The following CUEDC2 variants were observed in gnomAD, a reference collection of about 807,000 sequenced individuals.
The protein encoded by CUEDC2 is CUE domain containing 2.
CUEDC2 carries 10 observed loss-of-function variants against 36.0 expected under a neutral mutation model. That is an observed-to-expected ratio of 0.28 (90% CI 0.17 to 0.47). The LOEUF (loss-of-function observed/expected upper bound fraction) is 0.47. CUEDC2 is among the 20% of genes least tolerant of loss of function. The pLI is 0.99. For missense variants in CUEDC2, 269 were observed against 368.1 expected (o/e 0.73, Z 2.20); for synonymous variants, 133 against 141.8 (o/e 0.94, Z 0.44).
In CUEDC2 at chr10:102,428,851, G is replaced by A. The variant is rs539869805; in HGVS notation, c.-10-3653C>T. 1.7e-3 allele frequency among the ~76,000 whole-genome samples: 264 copies of A among 152,044 alleles called. 1 individual carries two copies. Among genetic ancestry groups the A allele is most frequent in the African/African-American group, 5.6e-3 (231 of 41,456 alleles). ...ATCTTGGCTAACACAGTGAAACCCCGTCTCTACTAAAAATACAAAAATTAG... is the reference window on the plus strand; with the variant it reads ...ATCTTGGCTAACACAGTGAAACCCCATCTCTACTAAAAATACAAAAATTAG... On this transcript the variant is annotated intron_variant, in intron 1 of 8. Coordinates refer to ENST00000369937, the MANE Select transcript of CUEDC2 (RefSeq NM_024040.3).
intron 1 of CUEDC2, among the ~76,000 whole-genome samples, chr10:102,429,152 G>T (rs891145563): frequency 3.9e-5 from 6 of 152,136 alleles, no homozygotes; most frequent in Non-Finnish European, 8.8e-5. Context: ...TATGCAGGCT[G>T]CAAGTTTTCT....
intron 1 of CUEDC2, among the ~76,000 whole-genome samples, chr10:102,430,329 T>C (rs931028392): frequency 6.7e-6 from 1 of 150,130 alleles, no homozygotes; most frequent in Admixed American, 6.7e-5. Flanking sequence ...GCCACCATGC[T>C]CGGCTAATTT....
In CUEDC2 at chr10:102,424,204, G is replaced by A. The variant is rs1416207090; in HGVS notation, c.412-26C>T. ...CTAAGGGTACAAACGTTAACAAGAGGCAATACTCCCCCCTTTCCAGCCCCC... is the reference window on the plus strand; with the variant it reads ...CTAAGGGTACAAACGTTAACAAGAGACAATACTCCCCCCTTTCCAGCCCCC... On this transcript the variant is annotated intron_variant, in intron 5 of 8. Coordinates refer to ENST00000369937, the MANE Select transcript of CUEDC2 (RefSeq NM_024040.3). This position sits in a 1 kb window ranked among gnomAD's most constrained non-coding sequence, Gnocchi z 4.2. 1.6e-5 allele frequency: 26 copies of A among 1,611,576 alleles called. No individual in the cohort carries two copies. The highest frequency in any genetic ancestry group is 1.6e-4 in the Middle Eastern group (1 of 6,068).
At chr10:102,432,379 C>T (rs2061619574) in intron 1 of CUEDC2, 147 bp downstream of exon 1, 1 of 152,268 alleles carries the variant, frequency 6.6e-6, no homozygotes, top group African/African-American at 2.4e-5. Flanking sequence ...CTGGATGTGC[C>T]TTGATACAGG....
Position 102,424,550 on chromosome 10 carries a change from C to G in CUEDC2, c.229G>C (p.Gly77Arg). The G allele has an allele frequency of 1.4e-5, 23 of 1,614,148 alleles. No individual in the cohort carries two copies. The highest frequency in any genetic ancestry group is 1.9e-5 in the Non-Finnish European group (23 of 1,180,022). ...CCTGAGAGCTTCTGCATCATGTCCC[C>G]TATTGTGCCCCTGAAAAGATGAGGG... ...GFAHIPRGTI[G>R]DMMQKLSGQL... is the part of the protein sequence containing the mutation. Residue 77 changes from glycine to arginine, a missense_variant, in exon 4 of 9, where the codon GGG becomes CGG. Gly to Arg is a moderately radical substitution (Grantham distance 125). Coordinates refer to ENST00000369937, the MANE Select transcript of CUEDC2 (RefSeq NM_024040.3). This position sits in a 1 kb window ranked among gnomAD's most constrained non-coding sequence, Gnocchi z 4.2.
In CUEDC2 at chr10:102,423,266, A is replaced by C; in HGVS notation, c.*160T>G. ...CTCACACCTTCCTTGGGCCACCTTT[A>C]CTGTGCCCATGGAGGCAGCTCCGAG... On this transcript the variant is annotated 3_prime_UTR_variant, in exon 9 of 9. Transcript: ENST00000369937. The surrounding 1 kb of genome is among the most constrained non-coding windows in gnomAD (Gnocchi z 5.6). The C allele has an allele frequency of 1.1e-6, 1 of 944,382 alleles. No individual in the cohort carries two copies. Among genetic ancestry groups the C allele is most frequent in the Non-Finnish European group, 1.6e-6 (1 of 620,060 alleles). 58.5% of individuals were successfully genotyped at this position (944,382 alleles called of 1,614,324 possible). A position where few individuals can be genotyped will look rare whatever the true frequency, so the allele number is the denominator to read the frequency against.
Position 102,423,606 on chromosome 10 carries a change from A to T in CUEDC2, c.718-34T>A. The T allele has an allele frequency of 6.2e-7, 1 of 1,614,178 alleles. No homozygotes were observed. The highest frequency in any genetic ancestry group is 1.3e-5 in the African/African-American group (1 of 75,036). On this transcript the variant is annotated intron_variant, in intron 8 of 8. Coordinates refer to ENST00000369937, the MANE Select transcript of CUEDC2 (RefSeq NM_024040.3). The surrounding 1 kb of genome is among the most constrained non-coding windows in gnomAD (Gnocchi z 5.6). ...CAATCAGCAGTGAGTGGCAGAAGCCAGGAGCCAGTCCCACCCATTCCGCAT... is the reference window on the plus strand; with the variant it reads ...CAATCAGCAGTGAGTGGCAGAAGCCTGGAGCCAGTCCCACCCATTCCGCAT...
rs920605446 is a variant in CUEDC2, at chr10:102,424,607, T to C, written c.218+42A>G. On this transcript the variant is annotated intron_variant, in intron 3 of 8. Transcript: ENST00000369937. This position sits in a 1 kb window ranked among gnomAD's most constrained non-coding sequence, Gnocchi z 4.2. ...GAGGATGACTCTGCCCACCCCATAA[T>C]CAGCCAGCCCCTTCCTCCTCCTGGC... 6.2e-7 allele frequency: 1 copy of C among 1,614,118 alleles called. No homozygotes were observed. Among genetic ancestry groups the C allele is most frequent in the African/African-American group, 1.3e-5 (1 of 75,048 alleles).
chr10:102,424,729 G>A lies in CUEDC2; in HGVS notation c.138C>T (p.Gly46=). ...LGVLEDLGPS[G]PSEENFDMEA... is the part of the protein sequence containing the mutation. Reference sequence around the variant, plus strand: ...CCATATCGAAGTTCTCCTCTGATGGGCCCGAGGGGCCCAGGTCCTCCAGGA... The same window carrying A: ...CCATATCGAAGTTCTCCTCTGATGGACCCGAGGGGCCCAGGTCCTCCAGGA... The change falls in exon 3 of 9, where the codon GGC becomes GGT. Residue 46 remains glycine, a synonymous_variant. Coordinates refer to ENST00000369937, the MANE Select transcript of CUEDC2 (RefSeq NM_024040.3). This position sits in a 1 kb window ranked among gnomAD's most constrained non-coding sequence, Gnocchi z 4.2. 6.2e-7 allele frequency: 1 copy of A among 1,614,040 alleles called. No homozygotes were observed. The highest frequency in any genetic ancestry group is 8.5e-7 in the Non-Finnish European group (1 of 1,179,980).
In CUEDC2 at chr10:102,423,441, C is replaced by T. The variant is rs962507618; in HGVS notation, c.849G>A (p.Lys283=). ...ATYINLKPAR[K]YRFH Reference sequence around the variant, plus strand: ...GGCGAGTGCCTCAATGGAAGCGGTACTTTCTGGCTGGCTTGAGGTTGATGT... The same window carrying T: ...GGCGAGTGCCTCAATGGAAGCGGTATTTTCTGGCTGGCTTGAGGTTGATGT... The change falls in exon 9 of 9, where the codon AAG becomes AAA. Residue 283 remains lysine, a synonymous_variant. Coordinates refer to ENST00000369937, the MANE Select transcript of CUEDC2 (RefSeq NM_024040.3). This position sits in a 1 kb window ranked among gnomAD's most constrained non-coding sequence, Gnocchi z 5.6. 3.7e-6 allele frequency: 6 copies of T among 1,614,110 alleles called. No homozygotes were observed. In the African/African-American group the frequency reaches 8.0e-5, roughly 22 times the overall value.
At chr10:102,429,023 A>C (rs74608233) in intron 1 of CUEDC2, among the ~76,000 whole-genome samples, 1 of 76,616 alleles carries the variant, frequency 1.3e-5, no homozygotes, top group Non-Finnish European at 3.4e-5. Flanking sequence ...CTTTGTCTCA[A>C]AAAAAAAAAA....
intron 1 of CUEDC2, among the ~76,000 whole-genome samples, chr10:102,425,621 C>T (rs1376972728): frequency 6.6e-6 from 1 of 151,888 alleles, no homozygotes; most frequent in Non-Finnish European, 1.5e-5. Flanking sequence ...GCCTCAGGAC[C>T]AAGCACAGCC....
rs2061584693 is a variant in CUEDC2 at position 102,423,876 on chromosome 10, C to T, written c.595-17G>A. On this transcript the variant is annotated splice_polypyrimidine_tract_variant and intron_variant, in intron 6 of 8. Coordinates refer to ENST00000369937, the MANE Select transcript of CUEDC2 (RefSeq NM_024040.3). This position sits in a 1 kb window ranked among gnomAD's most constrained non-coding sequence, Gnocchi z 5.6. ...GGGCAGGTCCTGCAGAGAGGGGAGGCCTGGTCTAGGCCCAAGGGCACCAGC... is the reference window on the plus strand; with the variant it reads ...GGGCAGGTCCTGCAGAGAGGGGAGGTCTGGTCTAGGCCCAAGGGCACCAGC... 1.9e-6 allele frequency: 3 copies of T among 1,610,142 alleles called. No homozygotes were observed. Among genetic ancestry groups the T allele is most frequent in the Non-Finnish European group, 1.7e-6 (2 of 1,178,274 alleles).
In CUEDC2 at chr10:102,423,642, C is replaced by G. The variant is rs1424540529; in HGVS notation, c.717+15G>C. 1 of 1,614,182 alleles carries G rather than the reference C, an allele frequency of 6.2e-7. No homozygotes were observed. The highest frequency in any genetic ancestry group is 1.1e-5 in the South Asian group (1 of 91,082). On this transcript the variant is annotated intron_variant, in intron 8 of 8. Transcript: ENST00000369937. This position sits in a 1 kb window ranked among gnomAD's most constrained non-coding sequence, Gnocchi z 5.6. ...CCACCCATTCCGCATCCCCAGCAAC[C>G]CTTAACTCTCTCACCTCCTTGGGAG...
In CUEDC2 at chr10:102,423,846, C is replaced by T. The variant is rs1189437681; in HGVS notation, c.608G>A (p.Arg203His). The T allele has an allele frequency of 7.4e-6, 12 of 1,613,446 alleles. No homozygotes were observed. The highest frequency in any genetic ancestry group is 2.2e-5 in the East Asian group (1 of 44,872). The change falls in exon 7 of 9, where the codon CGC becomes CAC. Residue 203 changes from arginine to histidine, a missense_variant. By Grantham distance (29) the Arg-to-His change is conservative. Coordinates refer to ENST00000369937, the MANE Select transcript of CUEDC2 (RefSeq NM_024040.3). The surrounding 1 kb of genome is among the most constrained non-coding windows in gnomAD (Gnocchi z 5.6). Reference sequence around the variant, plus strand: ...CTCATCCTTTTGGGGGCCTCTGAGGCGTCTGGGCAGGTCCTGCAGAGAGGG... The same window carrying T: ...CTCATCCTTTTGGGGGCCTCTGAGGTGTCTGGGCAGGTCCTGCAGAGAGGG... ...WEGPNQDLPR[R>H]LRGPQKDELK...
chr10:102,430,217 A>G (rs903864303), intron 1 of CUEDC2, among the ~76,000 whole-genome samples: 1 of 146,786 alleles, frequency 6.8e-6, no homozygotes. Context: ...TGCCCAGGCT[A>G]GAGTGCAATG....
At position 102,424,851 on chromosome 10, in the gene CUEDC2, A is replaced by G; in HGVS notation, c.75-59T>C. 3 of 1,569,956 alleles carry G rather than the reference A, an allele frequency of 1.9e-6. No individual in the cohort carries two copies. Among genetic ancestry groups the G allele is most frequent in the Non-Finnish European group, 2.6e-6 (3 of 1,155,792 alleles). The stretch of plus-strand genomic sequence containing the variant: ...GACACTGGATGCCTCCAGCACCCCC[A>G]CCTATCCTGAGACTCCAGCCCTCAG... On this transcript the variant is annotated intron_variant, in intron 2 of 8. Transcript: ENST00000369937. This position sits in a 1 kb window ranked among gnomAD's most constrained non-coding sequence, Gnocchi z 4.2.
rs1232112269 is a variant in CUEDC2 at position 102,423,607 on chromosome 10, G to A, written c.718-35C>T. 10 of 1,614,216 alleles carry A rather than the reference G, an allele frequency of 6.2e-6. No individual in the cohort carries two copies. Among genetic ancestry groups the A allele is most frequent in the Non-Finnish European group, 7.6e-6 (9 of 1,180,028 alleles). On this transcript the variant is annotated intron_variant, in intron 8 of 8. Coordinates refer to ENST00000369937, the MANE Select transcript of CUEDC2 (RefSeq NM_024040.3). This position sits in a 1 kb window ranked among gnomAD's most constrained non-coding sequence, Gnocchi z 5.6. ...AATCAGCAGTGAGTGGCAGAAGCCA[G>A]GAGCCAGTCCCACCCATTCCGCATC...
intron 1 of CUEDC2, among the ~76,000 whole-genome samples, chr10:102,425,845 C>T (rs1449014902): frequency 7.9e-5 from 12 of 152,056 alleles, no homozygotes; most frequent in Admixed American, 7.9e-4. Flanking sequence ...TCTCCAGCCT[C>T]CCCAGTCCCT....
Sources: gnomAD v4.1 joint callset for allele counts (sites outside exome capture counted in the v4.1 genomes callset) on GRCh38, gnomAD v4.1.1 for gene constraint, Gnocchi (gnomAD v3.1) non-coding constraint, MANE v1.5 for transcripts, NCBI Gene and HGNC (gene_info 2026-07-23, HGNC 2026-07-21) for gene names.